Variants in IL15 observed in about 807,000 individuals in gnomAD.
IL15 encodes the protein interleukin 15, also known as interleukin-15.
Under a neutral mutation model 19.6 loss-of-function variants are expected in IL15, and 11 were observed. The ratio of observed to expected loss-of-function variants is 0.56; its 90% CI spans 0.35 to 0.93. The LOEUF (loss-of-function observed/expected upper bound fraction) is 0.93. Among genes scored for constraint, IL15 ranks in the 40% least tolerant of loss-of-function variants. IL15 has a pLI of 0.01. For synonymous variants in IL15, 58 were observed against 59.6 expected (o/e 0.97, Z 0.12); for missense variants, 197 against 186.5 (o/e 1.06, Z -0.33).
chr4:141,665,154 A>G (rs1727926997), intron 2 of IL15, among the ~76,000 whole-genome samples: 1 of 151,934 alleles, frequency 6.6e-6, no homozygotes, highest in African/African-American at 2.4e-5. Flanking sequence ...CATTTTGTTT[A>G]TTATACATTA....
At chr4:141,703,234 C>T (rs900830837) in intron 2 of IL15, among the ~76,000 whole-genome samples, 4 of 152,132 alleles carry the variant, frequency 2.6e-5, no homozygotes, top group African/African-American at 9.7e-5. Flanking sequence ...TCTCGTCTGC[C>T]CTCAAGGCTG....
intron 1 of IL15, among the ~76,000 whole-genome samples, chr4:141,645,491 A>G (rs1406805896): frequency 6.6e-6 from 1 of 152,120 alleles, no homozygotes; most frequent in African/African-American, 2.4e-5. Flanking sequence ...TTATTTTCCA[A>G]TCTAGCAAGT....
At chr4:141,721,480 A>C in intron 4 of IL15, 2 of 568,778 alleles carry the variant, frequency 3.5e-6, no homozygotes, top group Non-Finnish European at 6.6e-6. Flanking sequence ...TGTAAAAAAA[A>C]TTTACTATCA....
At chr4:141,650,591 C>T (rs986603630) in intron 1 of IL15, among the ~76,000 whole-genome samples, 1 of 152,078 alleles carries the variant, frequency 6.6e-6, no homozygotes, top group Non-Finnish European at 1.5e-5. Context: ...AATTTAACCT[C>T]TTTATGTAAA....
chr4:141,682,849 T>C (rs1373278187), intron 2 of IL15, among the ~76,000 whole-genome samples: 1 of 151,902 alleles, frequency 6.6e-6, no homozygotes, highest in East Asian at 1.9e-4. Context: ...TCCCAGCTAC[T>C]TGGAAGGCCC....
chr4:141,710,492 C>A (rs563053166), intron 2 of IL15, among the ~76,000 whole-genome samples: 5 of 152,010 alleles, frequency 3.3e-5, no homozygotes, highest in Admixed American at 3.3e-4. Context: ...CTTATAAACT[C>A]ATTTTAAAAT....
Position 141,725,828 on chromosome 4 carries a change from T to C in IL15, c.196-2112T>C, listed in dbSNP as rs79504009. ...GTTGCTTATAACAGAGTACTTGAAA[T>C]GCATAATTTATAAAGAAAGGAATTT... is the stretch of plus-strand genomic sequence containing the variant. On this transcript the variant is annotated intron_variant, in intron 5 of 7. Coordinates refer to ENST00000320650, the MANE Select transcript of IL15 (RefSeq NM_000585.5). Among the ~76,000 whole-genome samples, 14 of 152,110 alleles carry C rather than the reference T, an allele frequency of 9.2e-5. No homozygotes were observed. In the East Asian group the frequency reaches 2.7e-3, roughly 29 times the overall value.
intron 1 of IL15, among the ~76,000 whole-genome samples, chr4:141,651,278 C>T (rs1057321261): frequency 4.6e-5 from 7 of 151,884 alleles, no homozygotes; most frequent in African/African-American, 1.7e-4. Context: ...ACGTCTTTTG[C>T]AGCAACATGA....
At chr4:141,684,982 T>A (rs1446986693) in intron 2 of IL15, among the ~76,000 whole-genome samples, 1 of 151,048 alleles carries the variant, frequency 6.6e-6, no homozygotes, top group Non-Finnish European at 1.5e-5. Flanking sequence ...AACAAAGAGG[T>A]CATGAAATAG....
At chr4:141,727,635 T>C (rs939421530) in intron 5 of IL15, among the ~76,000 whole-genome samples, 1 of 152,094 alleles carries the variant, frequency 6.6e-6, no homozygotes, top group Non-Finnish European at 1.5e-5. Context: ...ACTTCACACA[T>C]ATGCAAGCAC....
chr4:141,653,272 C>A (rs138670352), intron 1 of IL15, among the ~76,000 whole-genome samples: 2 of 152,114 alleles, frequency 1.3e-5, no homozygotes, highest in African/African-American at 4.8e-5. Flanking sequence ...AGGAGTTCAT[C>A]TTCTAAGCAG....
chr4:141,692,390 G>C (rs1728943793), intron 2 of IL15, among the ~76,000 whole-genome samples: 1 of 152,202 alleles, frequency 6.6e-6, no homozygotes, highest in African/African-American at 2.4e-5. Flanking sequence ...ATTTCTGCAG[G>C]CTTGAATTTC....
chr4:141,655,337 C>T (rs1056898575), intron 1 of IL15, among the ~76,000 whole-genome samples: 15 of 149,606 alleles, frequency 1.0e-4, no homozygotes, highest in East Asian at 3.9e-4. Context: ...AAATTTAAGG[C>T]GGTATTATAC....
chr4:141,657,065 A>G (rs1009907402), intron 2 of IL15, among the ~76,000 whole-genome samples: 2 of 152,244 alleles, frequency 1.3e-5, no homozygotes, highest in Non-Finnish European at 2.9e-5. Context: ...GGTATAGCCT[A>G]TACATGCCTA....
chr4:141,716,165 C>T (rs1729877442), intron 2 of IL15: 1 of 152,410 alleles, frequency 6.6e-6, no homozygotes, highest in African/African-American at 2.4e-5. Flanking sequence ...AGTCAGCAGT[C>T]ACCTTGCAGT....
intron 2 of IL15, among the ~76,000 whole-genome samples, chr4:141,663,768 G>T (rs1281755500): frequency 6.6e-6 from 1 of 152,174 alleles, no homozygotes; most frequent in African/African-American, 2.4e-5. Flanking sequence ...CCTGGCTTTG[G>T]TGAAAAGGGG....
At position 141,653,362 on chromosome 4, in the gene IL15, A is replaced by G. The variant is rs573023090; in HGVS notation, c.-221-2824A>G. On this transcript the variant is annotated intron_variant, in intron 1 of 7. Transcript: ENST00000320650. ...AAAATATTTAAATCTGTGCTACATA[A>G]TATTTTGTGGTATTTTGATTTTAAT... Among the ~76,000 whole-genome samples, 30 of 152,252 alleles carry G rather than the reference A, an allele frequency of 2.0e-4. No homozygotes were observed. In the South Asian group the frequency reaches 6.2e-3, roughly 32 times the overall value.
chr4:141,680,509 G>T (rs1357182637), intron 2 of IL15, among the ~76,000 whole-genome samples: 1 of 152,020 alleles, frequency 6.6e-6, no homozygotes, highest in Non-Finnish European at 1.5e-5. Context: ...TTTATGTCTT[G>T]GCTATAAAGT....
chr4:141,652,992 G>A (rs553766545), intron 1 of IL15, among the ~76,000 whole-genome samples: 7 of 152,060 alleles, frequency 4.6e-5, no homozygotes, highest in Non-Finnish European at 8.8e-5. Flanking sequence ...ATTCTCATCT[G>A]GTATTTTGTG....
Sources: gnomAD v4.1 joint callset for allele counts (sites outside exome capture counted in the v4.1 genomes callset) on GRCh38, gnomAD v4.1.1 for gene constraint, MANE v1.5 for transcripts, NCBI Gene and HGNC (gene_info 2026-07-23, HGNC 2026-07-21) for gene names.